The following NR3C1 variants were observed in gnomAD, a reference collection of about 807,000 sequenced individuals.
NR3C1 encodes nuclear receptor subfamily 3 group C member 1.
In NR3C1, 14 loss-of-function variants were observed where a neutral mutation model predicts 74.0. The observed-to-expected ratio is 0.19, with a 90% CI of 0.12 to 0.30. The LOEUF (loss-of-function observed/expected upper bound fraction) is 0.30, where lower values mean the gene tolerates loss of function less well. Among genes scored for constraint, NR3C1 ranks in the 10% least tolerant of loss-of-function variants. The pLI is 1.00. For synonymous variants in NR3C1, 308 were observed against 332.5 expected, an observed-to-expected ratio of 0.93 and a Z score of 0.80; for missense variants, 695 against 909.8, an observed-to-expected ratio of 0.76 and a Z score of 3.04.
intron 2 of NR3C1, among the ~76,000 whole-genome samples, chr5:143,394,918 T>G (rs150414973): frequency 3.0e-4 from 45 of 152,042 alleles, no homozygotes; most frequent in Non-Finnish European, 5.5e-4. Context: ...CTCCTCCCTC[T>G]TCACCCTCCA....
chr5:143,391,120 C>T (rs1003027194), intron 2 of NR3C1, among the ~76,000 whole-genome samples: 1 of 152,108 alleles, frequency 6.6e-6, no homozygotes, highest in Non-Finnish European at 1.5e-5. Flanking sequence ...TGACAAATTT[C>T]ACATAATGTT....
chr5:143,365,994 A>G (rs1365435878), intron 2 of NR3C1, among the ~76,000 whole-genome samples: 1 of 152,244 alleles, frequency 6.6e-6, no homozygotes, highest in South Asian at 2.1e-4. Flanking sequence ...ATCTTAAGGG[A>G]TGCAGTGAAA....
chr5:143,404,706 CA>C (rs1265440757), upstream of NR3C1: 1 of 188,866 alleles, frequency 5.3e-6, no homozygotes, highest in African/African-American at 2.4e-5. Context: ...TTAAGGAAAG[CA>C]GGGGGCGGCA....
intron 1 of NR3C1, among the ~76,000 whole-genome samples, chr5:143,429,657 G>A (rs1204827802): frequency 1.3e-5 from 2 of 152,052 alleles, no homozygotes; most frequent in Non-Finnish European, 2.9e-5. Flanking sequence ...AAAATAAAAA[G>A]AGCCAAATAT....
At chr5:143,367,003 A>C (rs1287033027) in intron 2 of NR3C1, among the ~76,000 whole-genome samples, 1 of 152,320 alleles carries the variant, frequency 6.6e-6, no homozygotes, top group East Asian at 1.9e-4. Context: ...ATATAAATGC[A>C]AGCATCCTCA....
chr5:143,421,249 C>T (rs1481882904), intron 1 of NR3C1, among the ~76,000 whole-genome samples: 2 of 152,128 alleles, frequency 1.3e-5, no homozygotes, highest in African/African-American at 4.8e-5. Context: ...AACACTCCTG[C>T]CAAAGTGGGG....
intron 1 of NR3C1, among the ~76,000 whole-genome samples, chr5:143,423,553 A>AAAC (rs1030207606): frequency 7.9e-5 from 12 of 152,210 alleles, no homozygotes; most frequent in African/African-American, 2.4e-4. Context: ...AGGTTCCTAA[A>AAAC]AACAACAACA....
At chr5:143,367,937 G>C (rs555819776) in intron 2 of NR3C1, among the ~76,000 whole-genome samples, 3 of 152,226 alleles carry the variant, frequency 2.0e-5, no homozygotes, top group African/African-American at 7.2e-5. Flanking sequence ...ACGGAATATA[G>C]GCAAAGTAAT....
intron 2 of NR3C1, among the ~76,000 whole-genome samples, chr5:143,347,422 A>G (rs563912448): frequency 6.6e-6 from 1 of 152,296 alleles, no homozygotes; most frequent in South Asian, 2.1e-4. Flanking sequence ...CCTCAACTCT[A>G]ATGTTAGTTA....
At chr5:143,389,785 A>G (rs1354896739) in intron 2 of NR3C1, 1 of 198,982 alleles carries the variant, frequency 5.0e-6, no homozygotes, top group East Asian at 1.8e-4. Flanking sequence ...TACCTAATAG[A>G]AAATCTACCA....
intron 1 of NR3C1, among the ~76,000 whole-genome samples, chr5:143,414,270 A>G (rs1841407139): frequency 6.6e-6 from 1 of 152,188 alleles, no homozygotes; most frequent in East Asian, 1.9e-4. Flanking sequence ...TCACTTGAAT[A>G]TGATTCCAAC....
chr5:143,381,952 T>C (rs1347669449), intron 2 of NR3C1, among the ~76,000 whole-genome samples: 2 of 152,098 alleles, frequency 1.3e-5, no homozygotes, highest in African/African-American at 2.4e-5. Context: ...AAAAAACTTC[T>C]GCACAGCAAC....
intron 2 of NR3C1, among the ~76,000 whole-genome samples, chr5:143,389,194 T>G (rs996104244): frequency 3.3e-5 from 5 of 152,132 alleles, no homozygotes; most frequent in African/African-American, 1.2e-4. Context: ...ATCATCAGAG[T>G]GCTCTCCATG....
At chr5:143,406,780 C>G (rs2151953360), upstream of NR3C1, among the ~76,000 whole-genome samples, 1 of 152,268 alleles carries the variant, frequency 6.6e-6, no homozygotes, top group South Asian at 2.1e-4. Flanking sequence ...CCTCACTGAT[C>G]TCAATCATTA....
chr5:143,383,561 GAT>G (rs1311703619), intron 2 of NR3C1, among the ~76,000 whole-genome samples: 1 of 152,228 alleles, frequency 6.6e-6, no homozygotes, highest in Non-Finnish European at 1.5e-5. Flanking sequence ...GCTGCCAGAG[GAT>G]ACCATCAGAT....
chr5:143,329,609 T>A (rs1380948184), intron 2 of NR3C1, among the ~76,000 whole-genome samples: 1 of 152,190 alleles, frequency 6.6e-6, no homozygotes, highest in East Asian at 1.9e-4. Flanking sequence ...TCAAACTGTA[T>A]CACAGATTAA....
intron 2 of NR3C1, among the ~76,000 whole-genome samples, chr5:143,344,427 AT>A (rs1219850885): frequency 6.6e-6 from 1 of 152,240 alleles, no homozygotes; most frequent in Non-Finnish European, 1.5e-5. Context: ...AACCTTATGC[AT>A]TATTACTAGC....
At chr5:143,425,532 T>C (rs932232269) in intron 1 of NR3C1, among the ~76,000 whole-genome samples, 1 of 151,928 alleles carries the variant, frequency 6.6e-6, no homozygotes, top group Non-Finnish European at 1.5e-5. Flanking sequence ...ATTTCAACAA[T>C]AAAAAGACAA....
rs376210941 is a variant in NR3C1, at chr5:143,432,943, C to A, written c.-14+1589G>T. Among the ~76,000 whole-genome samples, 54 of 152,254 alleles carry A rather than the reference C, an allele frequency of 3.5e-4. 1 individual carries two copies. In the South Asian group the frequency reaches 7.7e-3, roughly 22 times the overall value. On this transcript the variant is annotated intron_variant, in intron 1 of 8. Transcript: ENST00000343796. ...TTTTCCCTATTCAAACTTCAACTAG[C>A]TCTAATGGCAGAAAAGTGATCTGAT...
Sources: allele counts gnomAD v4.1 joint callset (sites outside exome capture counted in the v4.1 genomes callset), GRCh38; gene constraint gnomAD v4.1.1; transcripts MANE v1.5; gene names NCBI Gene and HGNC (gene_info 2026-07-23, HGNC 2026-07-21).